Variants in TENM3 observed in about 807,000 individuals in gnomAD.
The protein encoded by TENM3 is teneurin-3.
Under a neutral mutation model 255.1 loss-of-function variants are expected in TENM3, and 63 were observed. That is an observed-to-expected ratio of 0.25 (90% CI 0.20 to 0.30). The LOEUF (loss-of-function observed/expected upper bound fraction) is 0.30. TENM3 is among the 10% of genes least tolerant of loss of function. The pLI, the probability that TENM3 is intolerant of heterozygous loss-of-function variation, is 1.00. For synonymous variants in TENM3, 1,306 were observed against 1,322.3 expected, an observed-to-expected ratio of 0.99 and a Z score of 0.27; for missense variants, 2,929 against 3,461.1, an observed-to-expected ratio of 0.85 and a Z score of 3.86.
the TENM3 span, among the ~76,000 whole-genome samples, chr4:181,725,615 T>C: frequency 6.6e-6 from 1 of 150,668 alleles, no homozygotes; most frequent in South Asian, 2.1e-4. Flanking sequence ...TTTTTTTGTA[T>C]TTTTTTTTAG....
chr4:182,203,687 A>G (rs1022865137), intron 1 of TENM3, among the ~76,000 whole-genome samples: 2 of 152,008 alleles, frequency 1.3e-5, no homozygotes, highest in Non-Finnish European at 2.9e-5. Context: ...GAGAGTAGGG[A>G]GAGTTTTGGT....
the TENM3 span, among the ~76,000 whole-genome samples, chr4:181,947,280 A>G: frequency 5.9e-5 from 9 of 152,352 alleles, no homozygotes; most frequent in South Asian, 1.2e-3. Context: ...CTATTTTGCT[A>G]TTTTTAAAAA....
At chr4:182,645,971 G>A (rs1489363742) in intron 5 of TENM3, among the ~76,000 whole-genome samples, 1 of 152,198 alleles carries the variant, frequency 6.6e-6, no homozygotes, top group Non-Finnish European at 1.5e-5. Context: ...ACCTACTACA[G>A]TGGCTTAACA....
At chr4:182,709,102 C>A (rs746785153) in intron 12 of TENM3, among the ~76,000 whole-genome samples, 37 of 152,172 alleles carry the variant, frequency 2.4e-4, no homozygotes, top group Non-Finnish European at 4.3e-4. Context: ...CCTGCCTCAG[C>A]CTCCCAAGTA....
the TENM3 span, among the ~76,000 whole-genome samples, chr4:181,575,885 GTTA>G: frequency 1.3e-5 from 2 of 152,318 alleles, no homozygotes; most frequent in Middle Eastern, 6.8e-3. Flanking sequence ...CTTCCTTGCA[GTTA>G]GACATGGCCA....
At chr4:181,561,657 T>C in the TENM3 span, among the ~76,000 whole-genome samples, 2 of 152,216 alleles carry the variant, frequency 1.3e-5, no homozygotes, top group Non-Finnish European at 2.9e-5. Flanking sequence ...ATTCTAGATA[T>C]GTGCTGTGAT....
chr4:182,283,504 C>G (rs115023702), intron 1 of TENM3, among the ~76,000 whole-genome samples: 149 of 152,274 alleles, frequency 9.8e-4, no homozygotes, highest in Non-Finnish European at 1.7e-3. Flanking sequence ...ATCAGGCCAT[C>G]CGACTCCACG....
At chr4:181,579,979 ATTTTATTTTATTTTATTTTATTTTAT>A in the TENM3 span, among the ~76,000 whole-genome samples, 3 of 115,876 alleles carry the variant, frequency 2.6e-5, no homozygotes, top group Admixed American at 8.3e-5. Context: ...ATTTTATTTT[ATTTTATTTTATTTTATTTTATTTTAT>A]TTATTTTTTG....
intron 1 of TENM3, among the ~76,000 whole-genome samples, chr4:182,203,146 G>A (rs1754309271): frequency 6.6e-6 from 1 of 152,012 alleles, no homozygotes; most frequent in Admixed American, 6.5e-5. Flanking sequence ...GAACCAGGGA[G>A]GTGGAGGTTG....
chr4:181,881,795 G>T, the TENM3 span, among the ~76,000 whole-genome samples: 1 of 152,116 alleles, frequency 6.6e-6, no homozygotes, highest in African/African-American at 2.4e-5. Flanking sequence ...ACAGCCAAAT[G>T]AAGTGGTTGC....
chr4:182,126,180 C>T, the TENM3 span, among the ~76,000 whole-genome samples: 33 of 152,126 alleles, frequency 2.2e-4, no homozygotes, highest in African/African-American at 7.2e-4. Context: ...TCTGACCACT[C>T]GAGACATGAC....
At chr4:181,495,093 A>G in the TENM3 span, among the ~76,000 whole-genome samples, 70,114 of 151,982 alleles carry the variant, frequency 0.46, 16,683 homozygotes, top group Non-Finnish European at 0.53. Flanking sequence ...AAGGAAAATC[A>G]ATATAGACAT....
At chr4:182,151,813 T>G (rs544587996) in intron 1 of TENM3, among the ~76,000 whole-genome samples, 9 of 152,176 alleles carry the variant, frequency 5.9e-5, no homozygotes, top group Admixed American at 5.9e-4. Flanking sequence ...TGAGAATAGT[T>G]GTGTAGGTTA....
chr4:182,669,613 A>T, intron 6 of TENM3, among the ~76,000 whole-genome samples: 1 of 152,262 alleles, frequency 6.6e-6, no homozygotes, highest in African/African-American at 2.4e-5. Context: ...AAACTTATAA[A>T]AATAAGTATA....
At chr4:182,709,287 A>G (rs1758567137) in intron 12 of TENM3, among the ~76,000 whole-genome samples, 2 of 152,116 alleles carry the variant, frequency 1.3e-5, no homozygotes, top group South Asian at 4.2e-4. Context: ...CCAGCTCTGG[A>G]AAATAGTTTT....
At position 182,350,992 on chromosome 4, in the gene TENM3, T is replaced by C. The variant is rs566269306; in HGVS notation, c.511+4063T>C. Among the ~76,000 whole-genome samples, 4 of 152,266 alleles carry C rather than the reference T, an allele frequency of 2.6e-5. No homozygotes were observed. In the South Asian group the frequency reaches 6.2e-4, roughly 24 times the overall value. On this transcript the variant is annotated intron_variant, in intron 3 of 27. Coordinates refer to ENST00000511685, the MANE Select transcript of TENM3 (RefSeq NM_001080477.4). ...GCCACCGCGCCCGGCCACTGACGTGTTGTTAAAAGAGCCGTGACTGAAGTC... is the reference window on the plus strand; with the variant it reads ...GCCACCGCGCCCGGCCACTGACGTGCTGTTAAAAGAGCCGTGACTGAAGTC...
At chr4:182,447,709 A>T (rs1328011959) in intron 3 of TENM3, among the ~76,000 whole-genome samples, 1 of 152,192 alleles carries the variant, frequency 6.6e-6, no homozygotes, top group Non-Finnish European at 1.5e-5. Context: ...TATGTTGTTG[A>T]TACTGGTATT....
the TENM3 span, among the ~76,000 whole-genome samples, chr4:181,530,772 T>C: frequency 6.6e-6 from 1 of 152,232 alleles, no homozygotes; most frequent in Non-Finnish European, 1.5e-5. Flanking sequence ...AACTGTCGTA[T>C]TCGTTGGAGG....
the TENM3 span, among the ~76,000 whole-genome samples, chr4:181,538,622 G>A: frequency 6.6e-6 from 1 of 152,134 alleles, no homozygotes; most frequent in East Asian, 1.9e-4. Flanking sequence ...TATGGGGCAG[G>A]TGTCCAGAAC....
Sources: allele counts gnomAD v4.1 joint callset (sites outside exome capture counted in the v4.1 genomes callset), GRCh38; gene constraint gnomAD v4.1.1; transcripts MANE v1.5; gene names NCBI Gene and HGNC (gene_info 2026-07-23, HGNC 2026-07-21).